Variants in SNX27 observed in about 807,000 individuals in gnomAD.
SNX27 encodes the protein sorting nexin-27.
SNX27 carries 22 observed loss-of-function variants against 71.6 expected under a neutral mutation model. The ratio of observed to expected loss-of-function variants is 0.31; its 90% CI spans 0.22 to 0.44. SNX27 has a LOEUF of 0.44. Among genes scored for constraint, SNX27 ranks in the 20% least tolerant of loss-of-function variants. SNX27 has a pLI of 1.00. For missense variants in SNX27, 531 were observed against 698.6 expected (o/e 0.76, Z 2.70); for synonymous variants, 269 against 277.2 (o/e 0.97, Z 0.29).
intron 7 of SNX27, 81 bp from the exon 8 acceptor site, chr1:151,683,275 C>A (rs73000088): frequency 2.7e-6 from 3 of 1,102,246 alleles, no homozygotes; most frequent in African/African-American, 1.6e-5. Context: ...TCTGAAAATG[C>A]GTCTGTGTCT....
chr1:151,692,979 C>G lies in SNX27; in HGVS notation c.1458C>G (p.Phe486Leu). The G allele has an allele frequency of 6.2e-7, 1 of 1,614,132 alleles. No individual in the cohort carries two copies. The highest frequency in any genetic ancestry group is 1.3e-5 in the African/African-American group (1 of 75,016). The change falls in exon 10 of 12, where the codon TTC becomes TTG. Residue 486 changes from phenylalanine to leucine, a missense_variant. Physicochemically the swap from Phe to Leu is conservative, Grantham distance 22 (BLOSUM62 0). This residue lies in a region of SNX27 where 157 missense variants were observed against 178.4 expected (regional missense o/e 0.88). Transcript: ENST00000458013. ...ACACAGATGAAGAAGGGATGGCCTT[C>G]TGTTTCGAATATGCACGAGGAGAGA... ...RWDTDEEGMA[F>L]CFEYARGEKK...
At chr1:151,676,839 G>T (rs1670723374) in intron 7 of SNX27, 1 of 151,790 alleles carries the variant, frequency 6.6e-6, no homozygotes, top group Non-Finnish European at 1.5e-5. Context: ...AATTTTCTTG[G>T]TATTGCTATC....
intron 8 of SNX27, among the ~76,000 whole-genome samples, chr1:151,684,345 T>C (rs978743599): frequency 1.3e-5 from 2 of 152,244 alleles, no homozygotes; most frequent in Non-Finnish European, 2.9e-5. Context: ...AGCAGCCATA[T>C]GTGCACAGTG....
chr1:151,623,909 C>T (rs926968769), intron 1 of SNX27, among the ~76,000 whole-genome samples: 7 of 152,150 alleles, frequency 4.6e-5, no homozygotes, highest in Non-Finnish European at 7.3e-5. Flanking sequence ...ACTGGTAATT[C>T]TTTAGCCTCT....
At chr1:151,660,510 C>T in intron 3 of SNX27, 1 of 302,276 alleles carries the variant, frequency 3.3e-6, no homozygotes, top group East Asian at 6.5e-5. Context: ...CACAAGACTG[C>T]AAAGTTATAT....
chr1:151,655,416 AG>A (rs1335809916), intron 2 of SNX27, among the ~76,000 whole-genome samples: 2 of 152,214 alleles, frequency 1.3e-5, no homozygotes, highest in Non-Finnish European at 2.9e-5. Flanking sequence ...TCAAAATTCA[AG>A]GGAACTTAAT....
At chr1:151,651,874 G>A (rs1387368392) in intron 2 of SNX27, among the ~76,000 whole-genome samples, 1 of 151,022 alleles carries the variant, frequency 6.6e-6, no homozygotes, top group African/African-American at 2.4e-5. Flanking sequence ...AGGTTGTAGC[G>A]AGCCGAGATC....
chr1:151,629,219 C>G (rs1449181341), intron 1 of SNX27: 1 of 151,862 alleles, frequency 6.6e-6, no homozygotes, highest in Non-Finnish European at 1.5e-5. Flanking sequence ...TATTGTACTA[C>G]AATTTTCTTA....
At chr1:151,648,413 T>C (rs1669159306) in intron 2 of SNX27, among the ~76,000 whole-genome samples, 1 of 151,250 alleles carries the variant, frequency 6.6e-6, no homozygotes, top group South Asian at 2.1e-4. Flanking sequence ...ATATTTACCA[T>C]TTCTTTCTTT....
intron 1 of SNX27, chr1:151,613,140 C>G (rs935472494): frequency 5.3e-5 from 8 of 152,330 alleles, no homozygotes; most frequent in African/African-American, 1.9e-4. Context: ...TCCATCCCAC[C>G]GTGTGCCCCT....
At chr1:151,666,083 G>C in intron 6 of SNX27, 72 bp downstream of exon 6, 1 of 1,243,740 alleles carries the variant, frequency 8.0e-7, no homozygotes, top group Admixed American at 1.9e-5. Flanking sequence ...CTAGAGAAGA[G>C]CTTGAAGACA....
intron 7 of SNX27, among the ~76,000 whole-genome samples, chr1:151,673,204 C>G (rs1299786407): frequency 2.6e-4 from 40 of 151,952 alleles, no homozygotes; most frequent in Admixed American, 2.6e-3. Context: ...AAATTTCCTT[C>G]TCAATTTCTC....
intron 1 of SNX27, among the ~76,000 whole-genome samples, chr1:151,623,334 G>A (rs1366628357): frequency 6.6e-6 from 1 of 152,132 alleles, no homozygotes; most frequent in Admixed American, 6.5e-5. Flanking sequence ...TAGAGACGGG[G>A]TTTCACCTTG....
At chr1:151,669,092 CTA>C (rs1670343442) in intron 7 of SNX27, 1 of 152,354 alleles carries the variant, frequency 6.6e-6, no homozygotes, top group South Asian at 2.1e-4. Flanking sequence ...GTATTTACTT[CTA>C]TGTCTCCATT....
chr1:151,670,194 T>C (rs2102698510), intron 7 of SNX27, among the ~76,000 whole-genome samples: 1 of 152,338 alleles, frequency 6.6e-6, no homozygotes, highest in African/African-American at 2.4e-5. Flanking sequence ...TGACCTCCAC[T>C]TCCATCCATG....
intron 1 of SNX27, among the ~76,000 whole-genome samples, chr1:151,626,846 CT>C (rs1667969260): frequency 6.6e-6 from 1 of 152,200 alleles, no homozygotes; most frequent in Admixed American, 6.5e-5. Flanking sequence ...AGTGGTTACA[CT>C]AAATCATGAC....
At chr1:151,619,019 A>G (rs1044625533) in intron 1 of SNX27, among the ~76,000 whole-genome samples, 1 of 152,088 alleles carries the variant, frequency 6.6e-6, no homozygotes, top group African/African-American at 2.4e-5. Flanking sequence ...TGCAAAAAAA[A>G]AAAACACCTG....
chr1:151,662,507 G>A (rs1022826450), intron 5 of SNX27: 1 of 260,654 alleles, frequency 3.8e-6, no homozygotes, highest in East Asian at 9.1e-5. Context: ...TTTGGAGATG[G>A]AGTGTTGCTC....
Position 151,693,416 on chromosome 1 carries a change from T to C in SNX27, c.1519-8T>C, listed in dbSNP as rs375601770. The C allele has an allele frequency of 3.4e-5, 55 of 1,614,064 alleles. No individual in the cohort carries two copies. In the Middle Eastern group the frequency reaches 4.9e-4, roughly 14 times the overall value. On this transcript the variant is annotated splice_polypyrimidine_tract_variant and splice_region_variant and intron_variant, in intron 10 of 11. Coordinates refer to ENST00000458013, the MANE Select transcript of SNX27 (RefSeq NM_001330723.2). ...GAAGTTAGTGAGTGTCACCACCTTT[T>C]TTTTCAGTTCAATTACATGCATGAG...
Sources: allele counts gnomAD v4.1 joint callset (sites outside exome capture counted in the v4.1 genomes callset), GRCh38; gene constraint gnomAD v4.1.1; regional missense constraint gnomAD v4.1.1; transcripts MANE v1.5; gene names NCBI Gene and HGNC (gene_info 2026-07-23, HGNC 2026-07-21).